CEACAM21: variants seen among roughly 807,000 people sequenced by gnomAD.
CEACAM21 encodes the protein cell adhesion molecule CEACAM21.
A neutral mutation model predicts 33.2 loss-of-function variants in CEACAM21; 38 were observed. The observed-to-expected ratio is 1.14, with a 90% CI of 0.88 to 1.50. CEACAM21 has a LOEUF of 1.50. Among genes scored for constraint, CEACAM21 ranks in the 40% most tolerant of loss-of-function variants. The pLI, the probability that CEACAM21 is intolerant of heterozygous loss-of-function variation, is 0.00. For missense variants in CEACAM21, 385 were observed against 364.6 expected (o/e 1.06, Z -0.46); for synonymous variants, 156 against 143.0 (o/e 1.09, Z -0.65).
chr19:41,586,348 C>A (rs539792354), intron 6 of CEACAM21, 116 bp from the exon 7 acceptor site: 19 of 605,154 alleles, frequency 3.1e-5, no homozygotes, highest in African/African-American at 2.8e-4. Context: ...GGAGCAGGAA[C>A]CCCCTGAGCA....
intron 1 of CEACAM21, among the ~76,000 whole-genome samples, chr19:41,564,245 A>G (rs1258266900): frequency 6.6e-6 from 1 of 152,154 alleles, no homozygotes; most frequent in Non-Finnish European, 1.5e-5. Context: ...CTCCTGCTTA[A>G]AACCCAAAAG....
intron 1 of CEACAM21, among the ~76,000 whole-genome samples, chr19:41,562,407 C>T (rs782137796): frequency 5.3e-5 from 8 of 151,558 alleles, no homozygotes; most frequent in Admixed American, 2.6e-4. Flanking sequence ...TAACACAAAG[C>T]ACGAAGGAAA....
At chr19:41,586,327 G>A in intron 6 of CEACAM21, 137 bp from the exon 7 acceptor site, 1 of 585,980 alleles carries the variant, frequency 1.7e-6, no homozygotes, top group Non-Finnish European at 3.2e-6. Flanking sequence ...AGCAGAGGAG[G>A]GAGGGGCCTG....
Position 41,584,367 on chromosome 19 carries a change from A to G in CEACAM21, c.721A>G (p.Ile241Val), listed in dbSNP as rs939286103. The G allele has an allele frequency of 1.2e-6, 2 of 1,611,528 alleles. No individual in the cohort carries two copies. The highest frequency in any genetic ancestry group is 3.4e-5 in the Admixed American group (2 of 59,646). Reference protein sequence around the residue: ...TVKSDDNTLGILIGVLVGSLL... With the variant: ...TVKSDDNTLGVLIGVLVGSLL... ...TTCAGCAGATGACAACACTCTAGGC[A>G]TCCTGATCGGGGTCCTGGTTGGGAG... Residue 241 changes from isoleucine (I) to valine (V), a missense_variant, in exon 4 of 7, where the codon ATC becomes GTC. Physicochemically the swap from Ile to Val is conservative, Grantham distance 29. Coordinates refer to ENST00000401445, the MANE Select transcript of CEACAM21 (RefSeq NM_001098506.4).
intron 4 of CEACAM21, 34 bp downstream of exon 4, chr19:41,584,477 T>C: frequency 1.3e-6 from 2 of 1,565,304 alleles, no homozygotes; most frequent in Non-Finnish European, 1.7e-6. Context: ...GCTCCCATCC[T>C]TCACGCTGAC....
chr19:41,560,731 T>C (rs1233548234), intron 1 of CEACAM21, among the ~76,000 whole-genome samples: 2 of 152,230 alleles, frequency 1.3e-5, no homozygotes, highest in Non-Finnish European at 2.9e-5. Context: ...GTAAATCATA[T>C]GAATTTTTCA....
exon 2 of CEACAM21, chr19:41,564,973 G>C (rs954356251): frequency 2.6e-5 from 4 of 152,404 alleles, no homozygotes; most frequent in African/African-American, 9.6e-5. Flanking sequence ...AGGGACTGCA[G>C]CGCAGGAACT....
intron 1 of CEACAM21, chr19:41,550,759 G>A (rs2041154363): frequency 6.6e-6 from 1 of 152,074 alleles, no homozygotes; most frequent in African/African-American, 2.4e-5. Context: ...GTAACAGAGT[G>A]AGACTCCGCT....
intron 4 of CEACAM21, among the ~76,000 whole-genome samples, chr19:41,585,222 G>C (rs938896395): frequency 6.6e-6 from 1 of 152,070 alleles, no homozygotes; most frequent in Non-Finnish European, 1.5e-5. Flanking sequence ...TCCTGGCCCA[G>C]CATCTGCCTG....
At chr19:41,559,011 G>A (rs1297351432) in intron 1 of CEACAM21, among the ~76,000 whole-genome samples, 4 of 152,192 alleles carry the variant, frequency 2.6e-5, no homozygotes, top group Non-Finnish European at 5.9e-5. Flanking sequence ...ACTTTAATAG[G>A]AGATTTGAAT....
At chr19:41,581,747 G>A (rs1408308824) in intron 3 of CEACAM21, among the ~76,000 whole-genome samples, 1 of 152,160 alleles carries the variant, frequency 6.6e-6, no homozygotes, top group East Asian at 1.9e-4. Context: ...TCACTATCAT[G>A]AGAACAGCAT....
chr19:41,575,856 G>A (rs1555790807), upstream of CEACAM21, among the ~76,000 whole-genome samples: 1 of 152,208 alleles, frequency 6.6e-6, no homozygotes, highest in East Asian at 1.9e-4. Flanking sequence ...GAGCACTGGA[G>A]AGCATGAGGA....
chr19:41,575,679 A>T (rs1461600507), upstream of CEACAM21, among the ~76,000 whole-genome samples: 1 of 152,080 alleles, frequency 6.6e-6, no homozygotes, highest in Non-Finnish European at 1.5e-5. Context: ...GGAGCTGGGG[A>T]TCCTCCCGAG....
intron 2 of CEACAM21, among the ~76,000 whole-genome samples, chr19:41,565,968 C>CGGGGGGGG (rs1260748718): frequency 3.9e-5 from 1 of 25,814 alleles, no homozygotes; most frequent in South Asian, 1.2e-3. Flanking sequence ...TTTGGGGGGG[C>CGGGGGGGG]GGGGGGGGTG....
rs1167640329 is a variant in CEACAM21, at chr19:41,586,623, C to G, written c.*160C>G. 3.5e-6 allele frequency: 2 copies of G among 568,694 alleles called. No individual in the cohort carries two copies. Among genetic ancestry groups the G allele is most frequent in the African/African-American group, 3.8e-5 (2 of 52,708 alleles). 35.2% of individuals were successfully genotyped at this position (568,694 alleles called of 1,614,324 possible). A position where few individuals can be genotyped will look rare whatever the true frequency, so the allele number is the denominator to read the frequency against. On this transcript the variant is annotated 3_prime_UTR_variant, in exon 7 of 7. Transcript: ENST00000401445. ...AGGACATGGAGCCTGAGCCAGAGAA[C>G]CAGCTCTGAGTCCTGAGGAGACACA...
intron 1 of CEACAM21, among the ~76,000 whole-genome samples, chr19:41,558,350 A>G (rs1002013883): frequency 2.0e-5 from 3 of 152,162 alleles, no homozygotes; most frequent in East Asian, 3.9e-4. Context: ...ACATCTCCTT[A>G]TAATATAAAA....
At position 41,579,480 on chromosome 19, in the gene CEACAM21, G is replaced by A. The variant is rs182060706; in HGVS notation, c.552G>A (p.Leu184=). Residue 184 remains leucine (L), a synonymous_variant, in exon 3 of 7, where the codon CTG becomes CTA. Transcript: ENST00000401445. ...AGTGGATTTTCAACAACCAGCGTCT[G>A]CAGGTCACGAAGAGGATGAAGCTGT... The part of the protein sequence containing the change: ...SFQWIFNNQR[L]QVTKRMKLSW... 6.0e-4 allele frequency: 972 copies of A among 1,613,900 alleles called. 7 individuals carry two copies. The African/African-American group carries it at 0.012, about 19-fold the overall frequency.
chr19:41,572,340 A>T (rs2042664940), upstream of CEACAM21, among the ~76,000 whole-genome samples: 1 of 152,078 alleles, frequency 6.6e-6, no homozygotes, highest in Admixed American at 6.5e-5. Context: ...TTAAATCTCA[A>T]ATGCAAAATG....
intron 1 of CEACAM21, among the ~76,000 whole-genome samples, chr19:41,554,018 C>T (rs1416547915): frequency 2.0e-5 from 3 of 151,968 alleles, no homozygotes; most frequent in Non-Finnish European, 2.9e-5. Flanking sequence ...TTTGATTAAT[C>T]GTTAAAAGCT....
Sources: gnomAD v4.1 joint callset for allele counts (sites outside exome capture counted in the v4.1 genomes callset) on GRCh38, gnomAD v4.1.1 for gene constraint, MANE v1.5 for transcripts, NCBI Gene and HGNC (gene_info 2026-07-23, HGNC 2026-07-21) for gene names.